PRDM16: variants seen among roughly 807,000 people sequenced by gnomAD.
The protein encoded by PRDM16 is histone-lysine N-methyltransferase PRDM16.
PRDM16 carries 23 observed loss-of-function variants against 110.6 expected under a neutral mutation model. The observed-to-expected ratio is 0.21, with a 90% CI of 0.15 to 0.29. PRDM16 has a LOEUF of 0.29. Ranked by LOEUF, PRDM16 falls within the 10% of genes least tolerant of loss-of-function variation. The pLI is 1.00. For synonymous variants in PRDM16, 799 were observed against 781.8 expected (o/e 1.02, Z -0.37); for missense variants, 1,615 against 1,794.3 (o/e 0.90, Z 1.81).
At chr1:3,153,543 G>A (rs956258131) in intron 1 of PRDM16, among the ~76,000 whole-genome samples, 2 of 152,212 alleles carry the variant, frequency 1.3e-5, no homozygotes, top group Admixed American at 6.5e-5. Context: ...CAGGAGAAAC[G>A]GGGCAAGGAC....
intron 2 of PRDM16, among the ~76,000 whole-genome samples, chr1:3,191,940 A>G (rs1342799456): frequency 6.6e-6 from 1 of 152,212 alleles, no homozygotes; most frequent in African/African-American, 2.4e-5. Flanking sequence ...GAGGGCCCCA[A>G]GTGCTGAGAC....
intron 3 of PRDM16, among the ~76,000 whole-genome samples, chr1:3,261,147 A>T (rs1476197851): frequency 1.4e-5 from 2 of 147,072 alleles, no homozygotes; most frequent in Admixed American, 6.7e-5. Context: ...AAAAAACAGG[A>T]AGAGGCAGAA....
intron 3 of PRDM16, among the ~76,000 whole-genome samples, chr1:3,272,731 G>A (rs1436083045): frequency 6.6e-6 from 1 of 152,210 alleles, no homozygotes; most frequent in Non-Finnish European, 1.5e-5. Flanking sequence ...TCGGAGCTCT[G>A]CCTGAATGTG....
At chr1:3,401,722 G>A (rs539042992) in intron 5 of PRDM16, among the ~76,000 whole-genome samples, 2 of 152,244 alleles carry the variant, frequency 1.3e-5, no homozygotes, top group South Asian at 2.1e-4. Flanking sequence ...TAATATGCAC[G>A]TATGCATACA....
intron 3 of PRDM16, among the ~76,000 whole-genome samples, chr1:3,285,577 C>T (rs1018183930): frequency 4.6e-5 from 7 of 152,182 alleles, no homozygotes; most frequent in South Asian, 2.1e-4. Context: ...CATGCTCGCT[C>T]GGGCTTCTTC....
rs201769516 is a variant in PRDM16 at position 3,411,994 on chromosome 1, G to A, written c.1797G>A (p.Ser599=). Residue 599 remains serine (S), a synonymous_variant, in exon 9 of 17, where the codon TCG becomes TCA. Coordinates refer to ENST00000270722, the MANE Select transcript of PRDM16 (RefSeq NM_022114.4). ...TGAAGACCAGGAGCAGCGACATGTC[G>A]GACGGCAGTGACTTTGAGGACGTCA... ...EKLKTRSSDM[S]DGSDFEDVNT... The A allele has an allele frequency of 2.1e-4, 338 of 1,613,610 alleles. No individual in the cohort carries two copies. Among genetic ancestry groups the A allele is most frequent in the South Asian group, 1.1e-3 (101 of 91,080 alleles).
At chr1:3,079,878 A>G (rs10909871) in intron 1 of PRDM16, among the ~76,000 whole-genome samples, 4,171 of 152,296 alleles carry the variant, frequency 0.027, 167 homozygotes, top group African/African-American at 0.094. Context: ...TTGATCAGCA[A>G]CATCGCACAC....
chr1:3,227,081 G>A (rs1442154208), intron 2 of PRDM16, among the ~76,000 whole-genome samples: 5 of 152,220 alleles, frequency 3.3e-5, no homozygotes, highest in African/African-American at 9.6e-5. Context: ...CCGTTGTCAC[G>A]TGCAACGAAC....
chr1:3,093,904 G>A (rs957957874), intron 1 of PRDM16, among the ~76,000 whole-genome samples: 3 of 152,246 alleles, frequency 2.0e-5, no homozygotes, highest in Non-Finnish European at 2.9e-5. Context: ...GAGAGCAGGC[G>A]AGACAAGGAA....
intron 2 of PRDM16, among the ~76,000 whole-genome samples, chr1:3,231,163 C>T (rs558929717): frequency 4.6e-5 from 7 of 152,316 alleles, no homozygotes; most frequent in Middle Eastern, 3.4e-3. Context: ...GTCCCATACA[C>T]GTTTTTGTTT....
chr1:3,130,369 CA>C (rs755624946), intron 1 of PRDM16, among the ~76,000 whole-genome samples: 30 of 152,300 alleles, frequency 2.0e-4, no homozygotes, highest in Admixed American at 7.2e-4. Flanking sequence ...ACTACAAACC[CA>C]AACCAAACAC....
intron 1 of PRDM16, among the ~76,000 whole-genome samples, chr1:3,096,309 G>A (rs1642398477): frequency 6.6e-6 from 1 of 152,010 alleles, no homozygotes; most frequent in Non-Finnish European, 1.5e-5. Context: ...GTCCTCTCTA[G>A]CCCCAGAACC....
intron 1 of PRDM16, among the ~76,000 whole-genome samples, chr1:3,090,700 A>G (rs1273233593): frequency 6.6e-6 from 1 of 152,226 alleles, no homozygotes; most frequent in Admixed American, 6.5e-5. Flanking sequence ...TCAGAACCCC[A>G]AAGCCTCTGA....
intron 3 of PRDM16, among the ~76,000 whole-genome samples, chr1:3,315,434 A>G (rs1173537872): frequency 6.6e-6 from 1 of 152,132 alleles, no homozygotes; most frequent in Admixed American, 6.5e-5. Flanking sequence ...AGAGTTTGGA[A>G]TCAAACCAAG....
intron 2 of PRDM16, among the ~76,000 whole-genome samples, chr1:3,237,628 G>A (rs1353897174): frequency 5.3e-5 from 8 of 152,236 alleles, no homozygotes; most frequent in African/African-American, 1.9e-4. Flanking sequence ...GCTCCCGGGG[G>A]CCAGGGAGAG....
intron 2 of PRDM16, among the ~76,000 whole-genome samples, chr1:3,200,868 C>A (rs532416867): frequency 2.0e-5 from 3 of 151,924 alleles, no homozygotes; most frequent in Admixed American, 2.0e-4. Context: ...TCAGACCTGA[C>A]CACGGGCACA....
chr1:3,426,065 G>T lies in PRDM16; in HGVS notation c.3124G>T (p.Gly1042Trp). The change falls in exon 14 of 17, where the codon GGG becomes TGG. Residue 1042 changes from glycine (G) to tryptophan (W), a missense_variant. Around this residue, in one of 5 missense-constraint regions of PRDM16, gnomAD observed 327 missense variants for 359.3 expected, o/e 0.91. Transcript: ENST00000270722. Reference protein sequence around the residue: ...HENAPVSQHPGVLTNHLGTSA... With the variant: ...HENAPVSQHPWVLTNHLGTSA... ...CCCCTCCGCAGTGAGCCAGCACCCC[G>T]GGGTCCTCACGAACCACCTGGGGAC... 1 of 1,613,358 alleles carries T rather than the reference G, an allele frequency of 6.2e-7. No individual in the cohort carries two copies.
intron 2 of PRDM16, among the ~76,000 whole-genome samples, chr1:3,242,813 C>T (rs1639705317): frequency 6.6e-6 from 1 of 152,192 alleles, no homozygotes; most frequent in Non-Finnish European, 1.5e-5. Context: ...GCTTGAGCAT[C>T]ATTTTCTCGT....
Position 3,222,494 on chromosome 1 carries a change from C to T in PRDM16, c.388-21593C>T, listed in dbSNP as rs373635522. On this transcript the variant is annotated intron_variant, in intron 2 of 16. Transcript: ENST00000270722. ...TCTTCCCTCCAGGAAGCCTCTCCTT[C>T]GGCCTGTGGTCGGCTTCAGGAGGTG... 8.5e-5 allele frequency among the ~76,000 whole-genome samples: 13 copies of T among 152,366 alleles called. No homozygotes were observed. The East Asian group carries it at 1.2e-3, about 14-fold the overall frequency.
Sources: allele counts gnomAD v4.1 joint callset (sites outside exome capture counted in the v4.1 genomes callset), GRCh38; gene constraint gnomAD v4.1.1; regional missense constraint gnomAD v4.1.1; transcripts MANE v1.5; gene names NCBI Gene and HGNC (gene_info 2026-07-23, HGNC 2026-07-21).